The following ALDH7A1 variants were observed in gnomAD, a reference collection of about 807,000 sequenced individuals.
ALDH7A1 encodes the protein alpha-aminoadipic semialdehyde dehydrogenase.
In ALDH7A1, 63 loss-of-function variants were observed where a neutral mutation model predicts 79.9. The ratio of observed to expected loss-of-function variants is 0.79; its 90% CI spans 0.64 to 0.97. The LOEUF (loss-of-function observed/expected upper bound fraction) is 0.97. ALDH7A1 is among the 50% of genes least tolerant of loss of function. The pLI is 0.00. For synonymous variants in ALDH7A1, 240 were observed against 231.2 expected (o/e 1.04, Z -0.34); for missense variants, 627 against 665.2 (o/e 0.94, Z 0.63).
At chr5:126,566,838 A>G (rs980463083) in intron 9 of ALDH7A1, among the ~76,000 whole-genome samples, 1 of 152,172 alleles carries the variant, frequency 6.6e-6, no homozygotes, top group Non-Finnish European at 1.5e-5. Context: ...TTTTCTCACC[A>G]CTATACTAAT....
intron 9 of ALDH7A1, chr5:126,568,030 G>C (rs1307974660): frequency 6.8e-6 from 3 of 438,504 alleles, no homozygotes; most frequent in African/African-American, 6.1e-5. Context: ...TGATCCACCT[G>C]CCTTGGCCTC....
At chr5:126,567,635 G>T (rs570125449) in intron 9 of ALDH7A1, among the ~76,000 whole-genome samples, 171 of 145,406 alleles carry the variant, frequency 1.2e-3, no homozygotes, top group African/African-American at 4.0e-3. Flanking sequence ...CACCACGCCC[G>T]GCTACTTTTT....
chr5:126,545,764 C>A (rs564007010), intron 17 of ALDH7A1, among the ~76,000 whole-genome samples: 1 of 150,906 alleles, frequency 6.6e-6, no homozygotes, highest in Non-Finnish European at 1.5e-5. Context: ...TGCACTCCAG[C>A]CTGGGTGACA....
chr5:126,592,717 C>G lies in ALDH7A1; in HGVS notation c.259G>C (p.Asp87His), dbSNP rs1197981680. The G allele has an allele frequency of 2.5e-6, 4 of 1,613,856 alleles. No homozygotes were observed. Among genetic ancestry groups the G allele is most frequent in the Non-Finnish European group, 3.4e-6 (4 of 1,179,952 alleles). ...IARVRQASVADYEETVKKARE... is the reference protein window; with the variant it reads ...IARVRQASVAHYEETVKKARE... ...GCTTTCTTTACAGTTTCTTCATAGT[C>G]TGCCACACTGGCCTAAATTAAGAAT... The change falls in exon 3 of 18, where the codon GAC becomes CAC. Residue 87 changes from aspartate to histidine, a missense_variant. Physicochemically the swap from Asp to His is moderately conservative, Grantham distance 81. Transcript: ENST00000409134.
intron 7 of ALDH7A1, 193 bp from the exon 8 acceptor site, chr5:126,571,052 A>G (rs1750752129): frequency 1.7e-6 from 1 of 581,524 alleles, no homozygotes; most frequent in Non-Finnish European, 3.1e-6. Flanking sequence ...AACATTAAGA[A>G]CCCTCTTATA....
chr5:126,588,333 G>C (rs1355434351), intron 3 of ALDH7A1: 1 of 151,896 alleles, frequency 6.6e-6, no homozygotes, highest in Admixed American at 6.6e-5. Context: ...AAAAACATTA[G>C]CCGGGCATGG....
chr5:126,546,341 G>A lies in ALDH7A1; in HGVS notation c.1548C>T (p.Tyr516=), dbSNP rs1339016715. The change falls in exon 17 of 18, where the codon TAC becomes TAT. Residue 516 remains tyrosine (Y), a synonymous_variant. Coordinates refer to ENST00000409134, the MANE Select transcript of ALDH7A1 (RefSeq NM_001182.5). ...TTTCTTACCAAGTAGACCTTCTCAT[G>A]TACTGTTTCCAGGCATCACTGCCAG... is the stretch of plus-strand genomic sequence containing the variant. ...RESGSDAWKQ[Y]MRRSTCTINY... is the part of the protein sequence containing the mutation. The A allele has an allele frequency of 4.3e-6, 7 of 1,614,036 alleles. No homozygotes were observed. The highest frequency in any genetic ancestry group is 5.1e-6 in the Non-Finnish European group (6 of 1,180,032).
rs781098804 is a variant in ALDH7A1 at position 126,545,024 on chromosome 5, T to C, written c.1566-5A>G. The C allele has an allele frequency of 1.2e-6, 2 of 1,601,110 alleles. No individual in the cohort carries two copies. The highest frequency in any genetic ancestry group is 1.7e-6 in the Non-Finnish European group (2 of 1,168,414). On this transcript the variant is annotated splice_region_variant and splice_polypyrimidine_tract_variant and intron_variant, in intron 17 of 17. Transcript: ENST00000409134. Reference sequence around the variant, plus strand: ...TCTTTACTGTAGTTGATAGTACTAGTGGGAAAAAATAACAGAATTAATGAC... The same window carrying C: ...TCTTTACTGTAGTTGATAGTACTAGCGGGAAAAAATAACAGAATTAATGAC...
chr5:126,564,425 G>A (rs1581374543), intron 9 of ALDH7A1: 8 of 759,636 alleles, frequency 1.1e-5, no homozygotes, highest in Non-Finnish European at 1.3e-5. Context: ...TAGGATTACA[G>A]ACGTGAGCCA....
At chr5:126,571,500 A>T (rs1750775628) in intron 7 of ALDH7A1, among the ~76,000 whole-genome samples, 1 of 151,736 alleles carries the variant, frequency 6.6e-6, no homozygotes, top group Non-Finnish European at 1.5e-5. Flanking sequence ...AATCTTGAGA[A>T]GAAGAAAAAA....
At chr5:126,546,478 T>A in intron 16 of ALDH7A1, 79 bp from the exon 17 acceptor site, 2 of 1,310,070 alleles carry the variant, frequency 1.5e-6, no homozygotes, top group Non-Finnish European at 2.2e-6. Flanking sequence ...GAAAAGAAGA[T>A]ACCAAAAGGA....
In ALDH7A1 at chr5:126,595,091, C is replaced by T. The variant is rs779736481; in HGVS notation, c.108G>A (p.Gln36=). Residue 36 remains glutamine, a synonymous_variant, in exon 1 of 18, where the codon CAG becomes CAA. Transcript: ENST00000409134. ...GCTCTTTCAGCCACGCATACTGGGG[C>T]TGATTGATGAGGAGAGTGGACATGA... is the stretch of plus-strand genomic sequence containing the variant. ...AAFMSTLLIN[Q]PQYAWLKELG... 2 of 1,602,360 alleles carry T rather than the reference C, an allele frequency of 1.2e-6. No individual in the cohort carries two copies. Among genetic ancestry groups the T allele is most frequent in the Non-Finnish European group, 1.7e-6 (2 of 1,174,258 alleles).
rs767756650 is a variant in ALDH7A1 at position 126,549,941 on chromosome 5, C to T, written c.1477G>A (p.Gly493Arg). The change falls in exon 16 of 18, where the codon GGA becomes AGA. Residue 493 changes from glycine (G) to arginine (R), a missense_variant. Physicochemically the swap from Gly to Arg is moderately radical, Grantham distance 125 (BLOSUM62 -2). Coordinates refer to ENST00000409134, the MANE Select transcript of ALDH7A1 (RefSeq NM_001182.5). ...VNIPTSGAEIGGAFGGEKHTG... is the reference protein window; with the variant it reads ...VNIPTSGAEIRGAFGGEKHTG... ...ATTCTCTACGTACCAAAGGCACCTC[C>T]AATCTCAGCCCCACTTGTTGGAATG... 1 of 1,614,146 alleles carries T rather than the reference C, an allele frequency of 6.2e-7. No homozygotes were observed. Among genetic ancestry groups the T allele is most frequent in the Non-Finnish European group, 8.5e-7 (1 of 1,179,988 alleles).
chr5:126,569,430 A>T (rs894422186), intron 8 of ALDH7A1: 2 of 152,184 alleles, frequency 1.3e-5, no homozygotes, highest in Non-Finnish European at 2.9e-5. Flanking sequence ...GACACTACTG[A>T]TTTGAACCTC....
At chr5:126,567,473 C>A (rs1043951833) in intron 9 of ALDH7A1, among the ~76,000 whole-genome samples, 8 of 152,152 alleles carry the variant, frequency 5.3e-5, no homozygotes, top group Admixed American at 1.3e-4. Flanking sequence ...GACTTCCTTT[C>A]ATAACTTTTT....
In ALDH7A1 at chr5:126,552,825, T is replaced by C. The variant is rs138725733; in HGVS notation, c.1201-688A>G. On this transcript the variant is annotated intron_variant, in intron 13 of 17. Coordinates refer to ENST00000409134, the MANE Select transcript of ALDH7A1 (RefSeq NM_001182.5). ...AGTGCAGTGACATCATCATGACTCA[T>C]TGCAGCCTCGAACTTGTGGGCTCAA... Among the ~76,000 whole-genome samples the C allele has an allele frequency of 3.7e-3, 549 of 148,504 alleles. 6 individuals are homozygous for C. The highest frequency in any genetic ancestry group is 0.013 in the African/African-American group (512 of 40,376).
chr5:126,585,583 G>A (rs969213734), intron 3 of ALDH7A1, among the ~76,000 whole-genome samples: 21 of 151,978 alleles, frequency 1.4e-4, no homozygotes, highest in African/African-American at 4.3e-4. Flanking sequence ...TTTTTGAGAC[G>A]GGGTCTCGCT....
At chr5:126,587,485 T>TA (rs1460086301) in intron 3 of ALDH7A1, 5 of 151,054 alleles carry the variant, frequency 3.3e-5, no homozygotes, top group Non-Finnish European at 7.4e-5. Flanking sequence ...TAAAAATATT[T>TA]AAAAAATTGG....
chr5:126,545,985 C>T (rs1581351691), intron 17 of ALDH7A1, among the ~76,000 whole-genome samples: 2 of 151,914 alleles, frequency 1.3e-5, no homozygotes, highest in Admixed American at 6.6e-5. Flanking sequence ...CTGTGGCTCA[C>T]GCCTGTAATC....
Sources: gnomAD v4.1 joint callset for allele counts (sites outside exome capture counted in the v4.1 genomes callset) on GRCh38, gnomAD v4.1.1 for gene constraint, MANE v1.5 for transcripts, NCBI Gene and HGNC (gene_info 2026-07-23, HGNC 2026-07-21) for gene names.